The following VPS13B variants were observed in gnomAD, a reference collection of about 807,000 sequenced individuals.
VPS13B encodes vacuolar protein sorting 13 homolog B.
Under a neutral mutation model 426.4 loss-of-function variants are expected in VPS13B, and 285 were observed. The observed-to-expected ratio is 0.67, with a 90% CI of 0.61 to 0.74. The LOEUF is 0.74. Ranked by LOEUF, VPS13B falls within the 30% of genes least tolerant of loss-of-function variation. The probability of loss-of-function intolerance (pLI) is 0.00; values close to 1 mark genes in which losing one functional copy is unlikely to be tolerated. For synonymous variants in VPS13B, 1,676 were observed against 1,676.4 expected (o/e 1.00, Z 0.01); for missense variants, 4,537 against 4,782.6 (o/e 0.95, Z 1.51).
chr8:99,374,502 G>A (rs1813369366), intron 19 of VPS13B, among the ~76,000 whole-genome samples: 1 of 151,848 alleles, frequency 6.6e-6, no homozygotes, highest in Non-Finnish European at 1.5e-5. Flanking sequence ...CAATATCTGG[G>A]CCACTTCTGG....
chr8:99,181,164 G>T (rs1812927236), intron 16 of VPS13B, among the ~76,000 whole-genome samples: 1 of 152,132 alleles, frequency 6.6e-6, no homozygotes, highest in East Asian at 1.9e-4. Context: ...TATAAATTAT[G>T]TTACACTCAT....
intron 15 of VPS13B, among the ~76,000 whole-genome samples, chr8:99,160,287 A>G (rs1364094485): frequency 1.3e-5 from 2 of 152,336 alleles, no homozygotes; most frequent in East Asian, 1.9e-4. Flanking sequence ...GCAGAGATGT[A>G]TAGTTTAAAT....
intron 43 of VPS13B, among the ~76,000 whole-genome samples, chr8:99,803,933 ATATTT>A (rs1292024613): frequency 1.3e-5 from 2 of 152,138 alleles, no homozygotes; most frequent in Admixed American, 1.3e-4. Flanking sequence ...GGCCTACTTG[ATATTT>A]TAATATCAGT....
rs1343599639 is a variant in VPS13B, at chr8:99,481,605, C to G, written c.3673C>G (p.Leu1225Val). ...EIKCSNPQVQ[L>V]FYELTDIMNK... ...TTTTTTCTTATGCTCTCAGGTCCAG[C>G]TCTTCTATGAACTAACTGATATCAT... Residue 1225 changes from leucine (L) to valine (V), a missense_variant, in exon 25 of 62, where the codon CTC becomes GTC. Coordinates refer to ENST00000357162, the MANE Select transcript of VPS13B (RefSeq NM_152564.5). 7 of 1,613,596 alleles carry G rather than the reference C, an allele frequency of 4.3e-6. No individual in the cohort carries two copies. Among genetic ancestry groups the G allele is most frequent in the Non-Finnish European group, 5.9e-6 (7 of 1,179,812 alleles).
intron 2 of VPS13B, among the ~76,000 whole-genome samples, chr8:99,017,163 T>C (rs1483777478): frequency 6.6e-6 from 1 of 152,204 alleles, no homozygotes; most frequent in East Asian, 1.9e-4. Flanking sequence ...TCTCAAATTT[T>C]TTTTCTGCAT....
chr8:99,731,586 A>G (rs915257853), intron 39 of VPS13B, among the ~76,000 whole-genome samples: 5 of 152,210 alleles, frequency 3.3e-5, no homozygotes, highest in African/African-American at 1.2e-4. Context: ...TGGAGGTGAA[A>G]TGAATCAGGA....
Position 99,832,359 on chromosome 8 carries a change from T to C in VPS13B, c.9331-10T>C. ...TCTCTGCATTTTTTTTTTTTTTTTTTTTTTTTTAGTATTTTCGTGTTCCAG... is the reference window on the plus strand; with the variant it reads ...TCTCTGCATTTTTTTTTTTTTTTTTCTTTTTTTAGTATTTTCGTGTTCCAG... On this transcript the variant is annotated splice_polypyrimidine_tract_variant and intron_variant, in intron 51 of 61. Coordinates refer to ENST00000357162, the MANE Select transcript of VPS13B (RefSeq NM_152564.5). 1.4e-6 allele frequency: 2 copies of C among 1,472,916 alleles called. No individual in the cohort carries two copies. The highest frequency in any genetic ancestry group is 1.8e-6 in the Non-Finnish European group (2 of 1,119,078). 91.2% of individuals were successfully genotyped at this position (1,472,916 alleles called of 1,614,324 possible). A position where few individuals can be genotyped will look rare whatever the true frequency, so the allele number is the denominator to read the frequency against.
intron 23 of VPS13B, among the ~76,000 whole-genome samples, chr8:99,452,990 GT>G (rs995615470): frequency 1.2e-4 from 18 of 152,126 alleles, no homozygotes; most frequent in Admixed American, 3.9e-4. Flanking sequence ...AGAGAGGTTT[GT>G]TTTTTCTTCT....
intron 33 of VPS13B, among the ~76,000 whole-genome samples, chr8:99,623,038 C>T (rs950762684): frequency 6.6e-6 from 1 of 152,200 alleles, no homozygotes; most frequent in Middle Eastern, 3.2e-3. Context: ...CTCTTGTCCC[C>T]TCAAAAGCTT....
chr8:99,511,281 C>A lies in VPS13B; in HGVS notation c.4402C>A (p.Leu1468Ile), dbSNP rs1410591327. ...TTCTCCTCATTTTCTTCATGAAATT[C>A]TTCTTTCAGCACAAGCTTTTGATAT... ...DGSPHFLHEI[L>I]LSAQAFDIVL... The change falls in exon 29 of 62, where the codon CTT becomes ATT. Residue 1468 changes from leucine to isoleucine, a missense_variant. By Grantham distance (5) the Leu-to-Ile change is conservative (BLOSUM62 2). Around this residue, in one of 2 missense-constraint regions of VPS13B, gnomAD observed 4,311 missense variants for 4,474.3 expected, o/e 0.96. Transcript: ENST00000357162. The A allele has an allele frequency of 1.2e-6, 2 of 1,613,878 alleles. No individual in the cohort carries two copies. Among genetic ancestry groups the A allele is most frequent in the African/African-American group, 1.3e-5 (1 of 74,908 alleles).
chr8:99,756,779 T>C (rs927142243), intron 39 of VPS13B, among the ~76,000 whole-genome samples: 2 of 152,180 alleles, frequency 1.3e-5, no homozygotes, highest in East Asian at 1.9e-4. Flanking sequence ...GAAAATGTAT[T>C]CTCCGTTTAT....
At chr8:99,013,710 T>G in intron 1 of VPS13B, 50 bp from the exon 2 acceptor site, 1 of 1,576,874 alleles carries the variant, frequency 6.3e-7, no homozygotes, top group Non-Finnish European at 8.7e-7. Context: ...ACGAACGCTC[T>G]TTCCTTCACT....
rs1563912462 is a variant in VPS13B at position 99,776,962 on chromosome 8, C to T, written c.7429+6C>T. ...CCTTGACCAACTAGGCACAGGTACT[C>T]TTTTTTTTAGCATCAGAATAACATC... On this transcript the variant is annotated splice_donor_region_variant and intron_variant, in intron 41 of 61. Coordinates refer to ENST00000357162, the MANE Select transcript of VPS13B (RefSeq NM_152564.5). 1.9e-6 allele frequency: 3 copies of T among 1,611,924 alleles called. No homozygotes were observed. Among genetic ancestry groups the T allele is most frequent in the Admixed American group, 1.7e-5 (1 of 59,958 alleles).
chr8:99,083,224 T>G (rs187965500), intron 3 of VPS13B, among the ~76,000 whole-genome samples: 213 of 152,344 alleles, frequency 1.4e-3, no homozygotes, highest in African/African-American at 5.1e-3. Flanking sequence ...TTTGAAGCAA[T>G]TGTGAATGGG....
intron 39 of VPS13B, among the ~76,000 whole-genome samples, chr8:99,721,977 C>T (rs1833151067): frequency 1.3e-5 from 2 of 152,170 alleles, no homozygotes; most frequent in African/African-American, 4.8e-5. Flanking sequence ...TATACTATAT[C>T]ACTTCCCTAA....
At chr8:99,709,656 G>GA (rs1165240315) in intron 36 of VPS13B, among the ~76,000 whole-genome samples, 1 of 152,128 alleles carries the variant, frequency 6.6e-6, no homozygotes, top group Non-Finnish European at 1.5e-5. Flanking sequence ...AAAGTCAACA[G>GA]AAAAAATCAG....
chr8:99,468,826 T>A (rs1033901325), intron 24 of VPS13B, among the ~76,000 whole-genome samples: 8 of 152,190 alleles, frequency 5.3e-5, no homozygotes, highest in African/African-American at 1.9e-4. Context: ...TTAACTGTAT[T>A]TTTGTTTGTG....
intron 54 of VPS13B, among the ~76,000 whole-genome samples, chr8:99,838,098 A>G (rs1815485917): frequency 6.6e-6 from 1 of 152,180 alleles, no homozygotes; most frequent in Non-Finnish European, 1.5e-5. Context: ...TATTGAGAAG[A>G]CCTGCTAACA....
chr8:99,502,440 T>C (rs1187805435), intron 26 of VPS13B, among the ~76,000 whole-genome samples: 4 of 152,240 alleles, frequency 2.6e-5, no homozygotes, highest in African/African-American at 9.6e-5. Flanking sequence ...TTGAATCTTA[T>C]TAACATTAAA....
Sources: allele counts gnomAD v4.1 joint callset (sites outside exome capture counted in the v4.1 genomes callset), GRCh38; gene constraint gnomAD v4.1.1; regional missense constraint gnomAD v4.1.1; transcripts MANE v1.5; gene names NCBI Gene and HGNC (gene_info 2026-07-23, HGNC 2026-07-21).